The following ZDHHC21 variants were observed in gnomAD, a reference collection of about 807,000 sequenced individuals.
ZDHHC21 encodes the protein zDHHC palmitoyltransferase 21, also known as palmitoyltransferase ZDHHC21.
ZDHHC21 carries 15 observed loss-of-function variants against 34.6 expected under a neutral mutation model. The observed-to-expected ratio is 0.43, with a 90% CI of 0.29 to 0.67. The LOEUF is 0.67. Among genes scored for constraint, ZDHHC21 ranks in the 30% least tolerant of loss-of-function variants. The probability of loss-of-function intolerance (pLI) is 0.14; values close to 1 mark genes in which losing one functional copy is unlikely to be tolerated. For missense variants in ZDHHC21, 344 were observed against 327.7 expected, an observed-to-expected ratio of 1.05 and a Z score of -0.38; for synonymous variants, 142 against 101.8, an observed-to-expected ratio of 1.40 and a Z score of -2.38.
chr9:14,638,438 C>G (rs761965196), intron 8 of ZDHHC21, among the ~76,000 whole-genome samples: 1 of 151,932 alleles, frequency 6.6e-6, no homozygotes, highest in Non-Finnish European at 1.5e-5. Flanking sequence ...AACTGTGAAA[C>G]TACCAGAGGA....
intron 3 of ZDHHC21, among the ~76,000 whole-genome samples, chr9:14,675,676 G>C (rs1225476333): frequency 4.0e-5 from 6 of 151,866 alleles, no homozygotes; most frequent in Non-Finnish European, 5.9e-5. Flanking sequence ...CATGGTCTTT[G>C]CTTAAAGGAA....
intron 8 of ZDHHC21, among the ~76,000 whole-genome samples, chr9:14,630,937 A>C (rs1250317764): frequency 6.6e-6 from 1 of 152,240 alleles, no homozygotes; most frequent in Non-Finnish European, 1.5e-5. Flanking sequence ...GCAAAGGCAG[A>C]GTAGATTTAG....
At chr9:14,644,589 T>C (rs143136884) in intron 7 of ZDHHC21, among the ~76,000 whole-genome samples, 400 of 152,194 alleles carry the variant, frequency 2.6e-3, no homozygotes, top group African/African-American at 8.7e-3. Context: ...TAAGAGTGTG[T>C]AACCTGAATG....
chr9:14,651,048 A>G (rs759421783), intron 7 of ZDHHC21, among the ~76,000 whole-genome samples: 17 of 152,020 alleles, frequency 1.1e-4, no homozygotes, highest in Non-Finnish European at 1.9e-4. Context: ...TAGCTGTATA[A>G]TCTCTGACAG....
intron 2 of ZDHHC21, among the ~76,000 whole-genome samples, chr9:14,680,969 A>C (rs533649618): frequency 1.1e-4 from 17 of 152,340 alleles, no homozygotes; most frequent in African/African-American, 4.1e-4. Flanking sequence ...TAGATGAAGA[A>C]GGCAGACTCT....
At chr9:14,599,323 C>T in the ZDHHC21 span, among the ~76,000 whole-genome samples, 1 of 152,284 alleles carries the variant, frequency 6.6e-6, no homozygotes, top group Non-Finnish European at 1.5e-5. Flanking sequence ...GGGGCATTGC[C>T]TCACTTGGGA....
chr9:14,621,307 A>C (rs1273243743), intron 8 of ZDHHC21, among the ~76,000 whole-genome samples: 1 of 152,076 alleles, frequency 6.6e-6, no homozygotes, highest in East Asian at 1.9e-4. Context: ...GACTACTCTC[A>C]CCAGCTAAGA....
chr9:14,662,172 T>C (rs1833514283), intron 6 of ZDHHC21, 43 bp downstream of exon 6: 1 of 1,408,140 alleles, frequency 7.1e-7, no homozygotes, highest in African/African-American at 1.4e-5. Context: ...TTACATTTTA[T>C]TACCCACCCC....
At chr9:14,669,388 C>T (rs1224972051) in intron 5 of ZDHHC21, among the ~76,000 whole-genome samples, 3 of 137,712 alleles carry the variant, frequency 2.2e-5, no homozygotes, top group East Asian at 4.7e-4. Context: ...AATAGGAACA[C>T]TTTTACACTG....
intron 8 of ZDHHC21, among the ~76,000 whole-genome samples, chr9:14,628,955 T>C (rs1826818294): frequency 6.6e-6 from 1 of 152,170 alleles, no homozygotes; most frequent in African/African-American, 2.4e-5. Context: ...CCTTTTTAAT[T>C]TCTTTTTTAA....
intron 7 of ZDHHC21, among the ~76,000 whole-genome samples, chr9:14,656,100 G>A (rs994301095): frequency 6.6e-6 from 1 of 151,798 alleles, no homozygotes; most frequent in Non-Finnish European, 1.5e-5. Flanking sequence ...AACGAAATTT[G>A]GATGTGTCTA....
At chr9:14,597,954 C>T in the ZDHHC21 span, among the ~76,000 whole-genome samples, 1 of 152,156 alleles carries the variant, frequency 6.6e-6, no homozygotes, top group Non-Finnish European at 1.5e-5. Context: ...GGCCAGAGAA[C>T]TTGCCTGCCC....
chr9:14,689,857 C>T (rs75156434), intron 2 of ZDHHC21, among the ~76,000 whole-genome samples: 1,755 of 152,242 alleles, frequency 0.012, 20 homozygotes, highest in Non-Finnish European at 0.02. Context: ...TCTCCATTCT[C>T]CCTGGCTCAA....
At chr9:14,591,150 C>T in the ZDHHC21 span, among the ~76,000 whole-genome samples, 51 of 152,146 alleles carry the variant, frequency 3.4e-4, no homozygotes, top group African/African-American at 1.2e-3. Context: ...AAGGAAAATA[C>T]TGAGTTACTC....
At chr9:14,611,033 T>A (rs1388948098), downstream of ZDHHC21, 2 of 152,002 alleles carry the variant, frequency 1.3e-5, no homozygotes, top group African/African-American at 4.8e-5. Flanking sequence ...TTGGGTTAAT[T>A]TTCCTAAGTA....
chr9:14,605,097 T>A, the ZDHHC21 span, among the ~76,000 whole-genome samples: 1 of 152,206 alleles, frequency 6.6e-6, no homozygotes, highest in African/African-American at 2.4e-5. Context: ...ATTTTCTAAA[T>A]TCATTCAACC....
intron 8 of ZDHHC21, among the ~76,000 whole-genome samples, chr9:14,629,751 G>A (rs1826994234): frequency 6.6e-6 from 1 of 152,022 alleles, no homozygotes; most frequent in South Asian, 2.1e-4. Context: ...AGGCTGGGGT[G>A]GCTGTCAAAA....
chr9:14,633,494 G>A (rs1418958068), intron 8 of ZDHHC21, among the ~76,000 whole-genome samples: 2 of 152,102 alleles, frequency 1.3e-5, no homozygotes, highest in Admixed American at 6.5e-5. Context: ...ATCATGCTGG[G>A]TCCCGCACAG....
At chr9:14,639,371 G>A (rs1828901430) in intron 8 of ZDHHC21, among the ~76,000 whole-genome samples, 1 of 152,034 alleles carries the variant, frequency 6.6e-6, no homozygotes. Context: ...TGCATGGGTG[G>A]AGCGGGGGAC....
Sources: gnomAD v4.1 joint callset for allele counts (sites outside exome capture counted in the v4.1 genomes callset) on GRCh38, gnomAD v4.1.1 for gene constraint, MANE v1.5 for transcripts, NCBI Gene and HGNC (gene_info 2026-07-23, HGNC 2026-07-21) for gene names.